SH2D4B: variants seen among roughly 807,000 people sequenced by gnomAD.
SH2D4B encodes SH2 domain-containing protein 4B.
A neutral mutation model predicts 61.5 loss-of-function variants in SH2D4B; 45 were observed. The observed-to-expected ratio is 0.73, with a 90% CI of 0.58 to 0.94. The LOEUF (loss-of-function observed/expected upper bound fraction) is 0.94. Among genes scored for constraint, SH2D4B ranks in the 40% least tolerant of loss-of-function variants. The probability of loss-of-function intolerance (pLI) is 0.00; values close to 1 mark genes in which losing one functional copy is unlikely to be tolerated. For synonymous variants in SH2D4B, 224 were observed against 220.4 expected (o/e 1.02, Z -0.14); for missense variants, 572 against 574.2 (o/e 1.00, Z 0.04).
In SH2D4B at chr10:80,538,522, G is replaced by C; in HGVS notation, c.184+7G>C. The stretch of plus-strand genomic sequence containing the variant: ...CCTCCAAAGACCAAGCGAGGTACGT[G>C]GCTGGGAGTCACAGAGAGGTAGGCC... On this transcript the variant is annotated splice_region_variant and intron_variant, in intron 1 of 7. Transcript: ENST00000646907. The surrounding 1 kb of genome is among the most constrained non-coding windows in gnomAD (Gnocchi z 4.8). The C allele has an allele frequency of 7.3e-7, 1 of 1,377,138 alleles. No homozygotes were observed. Among genetic ancestry groups the C allele is most frequent in the South Asian group, 1.8e-5 (1 of 55,174 alleles). 85.3% of individuals were successfully genotyped at this position (1,377,138 alleles called of 1,614,324 possible). A position where few individuals can be genotyped will look rare whatever the true frequency, so the allele number is the denominator to read the frequency against.
intron 4 of SH2D4B, among the ~76,000 whole-genome samples, chr10:80,602,888 G>A (rs1842466887): frequency 6.6e-6 from 1 of 152,148 alleles, no homozygotes; most frequent in Non-Finnish European, 1.5e-5. Context: ...TGGGACCACG[G>A]GGTGGAAAGA....
Position 80,645,157 on chromosome 10 carries a change from G to A in SH2D4B, c.*1072G>A, listed in dbSNP as rs934018860. On this transcript the variant is annotated 3_prime_UTR_variant, in exon 8 of 8. Transcript: ENST00000646907. Reference sequence around the variant, plus strand: ...GGAACTTACTAGCATTATAATGCTTGCAGCATTGTGTTTGGTGAGAGGAAA... The same window carrying A: ...GGAACTTACTAGCATTATAATGCTTACAGCATTGTGTTTGGTGAGAGGAAA... 14 of 152,226 alleles carry A rather than the reference G, an allele frequency of 9.2e-5. No homozygotes were observed. Among genetic ancestry groups the A allele is most frequent in the Non-Finnish European group, 1.5e-5 (1 of 68,036 alleles). 9.4% of individuals were successfully genotyped at this position (152,226 alleles called of 1,614,324 possible).
chr10:80,634,161 C>G, intron 6 of SH2D4B, 124 bp from the exon 7 acceptor site: 1 of 1,346,434 alleles, frequency 7.4e-7, no homozygotes, highest in Non-Finnish European at 9.8e-7. Context: ...TTCCTGCCAC[C>G]CTGGACTGTG....
chr10:80,543,377 C>T (rs1223480923), intron 1 of SH2D4B, among the ~76,000 whole-genome samples: 1 of 152,134 alleles, frequency 6.6e-6, no homozygotes. Context: ...CGGCCCGGGG[C>T]AGTGAGGGGC....
intron 7 of SH2D4B, among the ~76,000 whole-genome samples, chr10:80,639,722 G>GA (rs1840255429): frequency 6.6e-6 from 1 of 152,256 alleles, no homozygotes; most frequent in South Asian, 2.1e-4. Flanking sequence ...GATGGGTCTT[G>GA]ATCTTTATCC....
At chr10:80,589,942 T>C (rs10881799) in intron 4 of SH2D4B, among the ~76,000 whole-genome samples, 77,653 of 151,812 alleles carry the variant, frequency 0.51, 21,597 homozygotes, top group African/African-American at 0.74. Flanking sequence ...GTTTGGAGGG[T>C]GGTGCTTCCC....
At chr10:80,625,479 A>G (rs543118888) in intron 6 of SH2D4B, among the ~76,000 whole-genome samples, 3 of 152,274 alleles carry the variant, frequency 2.0e-5, no homozygotes, top group Admixed American at 6.5e-5. Context: ...TGTAAATGCT[A>G]TGTAAATAGT....
At position 80,618,539 on chromosome 10, in the gene SH2D4B, A is replaced by G. The variant is rs900088627; in HGVS notation, c.988+8988A>G. Among the ~76,000 whole-genome samples, 27 of 152,208 alleles carry G rather than the reference A, an allele frequency of 1.8e-4. 1 individual carries two copies. Among genetic ancestry groups the G allele is most frequent in the South Asian group, 6.2e-4 (3 of 4,830 alleles). On this transcript the variant is annotated intron_variant, in intron 6 of 7. Transcript: ENST00000646907. ...TCATCACAATCTCTGTGGCTTTAGG[A>G]TGCTTTGAGATACTGTTGAGAATGA...
intron 3 of SH2D4B, among the ~76,000 whole-genome samples, chr10:80,581,083 A>G (rs1056950642): frequency 6.6e-6 from 1 of 152,184 alleles, no homozygotes; most frequent in African/African-American, 2.4e-5. Flanking sequence ...TGTCGTCCCC[A>G]TCCTTGTGAA....
intron 6 of SH2D4B, among the ~76,000 whole-genome samples, chr10:80,613,405 C>T (rs1034932167): frequency 6.6e-6 from 1 of 152,244 alleles, no homozygotes; most frequent in African/African-American, 2.4e-5. Flanking sequence ...CATTTCTCTT[C>T]CTGAGCTTTA....
intron 3 of SH2D4B, among the ~76,000 whole-genome samples, chr10:80,585,775 G>A (rs779786946): frequency 3.3e-5 from 5 of 152,182 alleles, no homozygotes; most frequent in African/African-American, 4.8e-5. Flanking sequence ...CCACTTTGGC[G>A]GCACTTGAGG....
intron 6 of SH2D4B, among the ~76,000 whole-genome samples, chr10:80,628,753 C>T (rs1842793842): frequency 6.6e-6 from 1 of 152,088 alleles, no homozygotes; most frequent in Non-Finnish European, 1.5e-5. Flanking sequence ...CCTGGCCAGG[C>T]GTGGTGGCTC....
intron 3 of SH2D4B, among the ~76,000 whole-genome samples, chr10:80,584,729 A>C (rs1842223255): frequency 6.6e-6 from 1 of 152,228 alleles, no homozygotes; most frequent in African/African-American, 2.4e-5. Flanking sequence ...TATTGACTTA[A>C]CTACAGATTA....
chr10:80,603,702 T>C lies in SH2D4B; in HGVS notation c.767T>C (p.Phe256Ser). Residue 256 changes from phenylalanine (F) to serine (S), a missense_variant, in exon 5 of 8, where the codon TTC becomes TCC. Coordinates refer to ENST00000646907, the MANE Select transcript of SH2D4B (RefSeq NM_001388272.1). ...ACGGTCGCTGGCCTCAGCTCCATGT[T>C]CCGGGAGCTTGGCCAGAGCCATGAG... ...KGTVAGLSSM[F>S]RELGQSHEQE... 1 of 1,613,460 alleles carries C rather than the reference T, an allele frequency of 6.2e-7. No homozygotes were observed. The highest frequency in any genetic ancestry group is 8.5e-7 in the Non-Finnish European group (1 of 1,179,876).
In SH2D4B at chr10:80,609,487, G is replaced by A. The variant is rs1024672545; in HGVS notation, c.924G>A (p.Glu308=). 6.2e-7 allele frequency: 1 copy of A among 1,614,094 alleles called. No homozygotes were observed. Among genetic ancestry groups the A allele is most frequent in the Non-Finnish European group, 8.5e-7 (1 of 1,180,040 alleles). The change falls in exon 6 of 8, where the codon GAG becomes GAA. Residue 308 remains glutamate, a synonymous_variant. Transcript: ENST00000646907. ...SRDVIVRWFK[E]EQLPRRAGFE... Reference sequence around the variant, plus strand: ...ATGTCATCGTCCGCTGGTTTAAGGAGGAGCAGCTGCCTCGCCGAGCTGGCT... The same window carrying A: ...ATGTCATCGTCCGCTGGTTTAAGGAAGAGCAGCTGCCTCGCCGAGCTGGCT...
In SH2D4B at chr10:80,603,737, A is replaced by G. The variant is rs1842482141; in HGVS notation, c.802A>G (p.Arg268Gly). 1 of 1,613,388 alleles carries G rather than the reference A, an allele frequency of 6.2e-7. No individual in the cohort carries two copies. The highest frequency in any genetic ancestry group is 8.5e-7 in the Non-Finnish European group (1 of 1,179,972). The change falls in exon 5 of 8, where the codon AGA (arginine) becomes GGA (glycine). Residue 268 changes from arginine (R) to glycine (G), a missense_variant. Physicochemically the swap from Arg to Gly is moderately radical, Grantham distance 125. Transcript: ENST00000646907. ...TGGCCAGAGCCATGAGCAGGAGGCA[A>G]GACTCTACCACCACCTCCCCGACCC... Reference protein sequence around the residue: ...ELGQSHEQEARLYHHLPDPGL... With the variant: ...ELGQSHEQEAGLYHHLPDPGL...
intron 6 of SH2D4B, among the ~76,000 whole-genome samples, chr10:80,630,747 G>T (rs1842822974): frequency 6.6e-6 from 1 of 152,056 alleles, no homozygotes; most frequent in Non-Finnish European, 1.5e-5. Flanking sequence ...AAGAGGATGG[G>T]GCTTTCAATG....
At chr10:80,560,173 G>C (rs1046354077) in intron 1 of SH2D4B, among the ~76,000 whole-genome samples, 4 of 151,524 alleles carry the variant, frequency 2.6e-5, no homozygotes, top group African/African-American at 9.7e-5. Context: ...ATTTTTAGTA[G>C]AGACGGGGTT....
intron 3 of SH2D4B, among the ~76,000 whole-genome samples, chr10:80,571,916 GTGCCCACCACC>G (rs1842051994): frequency 6.6e-6 from 1 of 151,802 alleles, no homozygotes; most frequent in Non-Finnish European, 1.5e-5. Flanking sequence ...GGGACTACAG[GTGCCCACCACC>G]ACACCCGGCT....
Sources: gnomAD v4.1 joint callset for allele counts (sites outside exome capture counted in the v4.1 genomes callset) on GRCh38, gnomAD v4.1.1 for gene constraint, Gnocchi (gnomAD v3.1) non-coding constraint, MANE v1.5 for transcripts, NCBI Gene and HGNC (gene_info 2026-07-23, HGNC 2026-07-21) for gene names.